Variants in SLC2A3 observed in about 807,000 individuals in gnomAD.
The protein encoded by SLC2A3 is solute carrier family 2, facilitated glucose transporter member 3.
Under a neutral mutation model 46.4 loss-of-function variants are expected in SLC2A3, and 21 were observed. The observed-to-expected ratio is 0.45, with a 90% CI of 0.32 to 0.65. The LOEUF (loss-of-function observed/expected upper bound fraction) is 0.65. Ranked by LOEUF, SLC2A3 falls within the 30% of genes least tolerant of loss-of-function variation. The pLI, the probability that SLC2A3 is intolerant of heterozygous loss-of-function variation, is 0.04. For missense variants in SLC2A3, 499 were observed against 623.3 expected (o/e 0.80, Z 2.12); for synonymous variants, 213 against 239.4 (o/e 0.89, Z 1.02).
rs1205780595 is a variant in SLC2A3 at position 7,920,476 on chromosome 12, CAT to C, written c.*935_*936del. 6.6e-6 allele frequency: 1 copy of C among 152,084 alleles called. No homozygotes were observed. The highest frequency in any genetic ancestry group is 2.4e-5 in the African/African-American group (1 of 41,406). The allele number at this position is 152,084 out of a possible 1,614,324, so 9.4% of individuals were successfully genotyped here. A position where few individuals can be genotyped will look rare whatever the true frequency, so the allele number is the denominator to read the frequency against. On this transcript the variant is annotated 3_prime_UTR_variant, in exon 10 of 10. Coordinates refer to ENST00000075120, the MANE Select transcript of SLC2A3 (RefSeq NM_006931.3). ...ATCAACCATCATTAACTACAATGCCCATATTAGTTAATAATCCTAGATTTCAA... is the reference window on the plus strand; with the variant it reads ...ATCAACCATCATTAACTACAATGCCCATTAGTTAATAATCCTAGATTTCAA...
At position 7,920,862 on chromosome 12, in the gene SLC2A3, ACCTGCACATTCGGCACATGTAT is replaced by A. The variant is rs1946029421; in HGVS notation, c.*529_*550del. On this transcript the variant is annotated 3_prime_UTR_variant, in exon 10 of 10. Coordinates refer to ENST00000075120, the MANE Select transcript of SLC2A3 (RefSeq NM_006931.3). ...TGGCATATATATACCTATGTAACAA[ACCTGCACATTCGGCACATGTAT>A]CCTGAAACTTAAAGTTAAAAAAAAA... is the stretch of plus-strand genomic sequence containing the variant. 1.2e-5 allele frequency: 2 copies of A among 164,300 alleles called. No individual in the cohort carries two copies. The highest frequency in any genetic ancestry group is 4.8e-5 in the African/African-American group (2 of 41,562). 10.2% of individuals were successfully genotyped at this position (164,300 alleles called of 1,614,324 possible).
Position 7,933,908 on chromosome 12 carries a change from G to A in SLC2A3, c.16-6C>T. The A allele has an allele frequency of 6.8e-6, 11 of 1,612,874 alleles. No individual in the cohort carries two copies. Among genetic ancestry groups the A allele is most frequent in the Non-Finnish European group, 9.3e-6 (11 of 1,179,018 alleles). On this transcript the variant is annotated splice_region_variant and splice_polypyrimidine_tract_variant and intron_variant, in intron 1 of 9. Transcript: ENST00000075120. ...AATATCAGAGCTGGGGTGACCTGGA[G>A]GGAGGGAAGACAGAGGAGAGAATAG...
At chr12:7,934,781 C>A (rs941016672) in intron 1 of SLC2A3, among the ~76,000 whole-genome samples, 3 of 151,990 alleles carry the variant, frequency 2.0e-5, no homozygotes, top group Admixed American at 6.6e-5. Context: ...CTGGGAGCTT[C>A]AGCAGGAGAA....
In SLC2A3 at chr12:7,921,627, T is replaced by C. The variant is rs1420930840; in HGVS notation, c.1277A>G (p.Tyr426Cys). The C allele has an allele frequency of 5.0e-6, 8 of 1,613,308 alleles. No homozygotes were observed. Among genetic ancestry groups the C allele is most frequent in the Non-Finnish European group, 6.8e-6 (8 of 1,179,636 alleles). ...VGLLFPSAAHYLGAYVFIIFT... is the reference protein window; with the variant it reads ...VGLLFPSAAHCLGAYVFIIFT... ...GATAATAAAAACGTAGGCTCCTAAA[T>C]AGTGCTAGAGAAAGGACAGAAAAAA... The change falls in exon 10 of 10, where the codon TAT (tyrosine) becomes TGT (cysteine). Residue 426 changes from tyrosine (Y) to cysteine (C), a missense_variant. Coordinates refer to ENST00000075120, the MANE Select transcript of SLC2A3 (RefSeq NM_006931.3).
intron 6 of SLC2A3, among the ~76,000 whole-genome samples, chr12:7,927,103 C>T (rs995843173): frequency 7.9e-5 from 12 of 152,066 alleles, no homozygotes; most frequent in Admixed American, 2.6e-4. Context: ...TCTCACGAAA[C>T]AACTCTTTAA....
At position 7,923,041 on chromosome 12, in the gene SLC2A3, C is replaced by A. The variant is rs746238364; in HGVS notation, c.1069-17G>T. 5 of 1,601,456 alleles carry A rather than the reference C, an allele frequency of 3.1e-6. No homozygotes were observed. Among genetic ancestry groups the A allele is most frequent in the Middle Eastern group, 1.7e-4 (1 of 5,994 alleles). On this transcript the variant is annotated splice_polypyrimidine_tract_variant and intron_variant, in intron 8 of 9. Transcript: ENST00000075120. ...ATAGTTATCCTGTAAGAGCAAGGAA[C>A]AGAGAAAATTAAATTTAAAGACAGT...
chr12:7,922,634 G>T (rs1215980527), intron 9 of SLC2A3, among the ~76,000 whole-genome samples, 187 bp downstream of exon 9: 1 of 151,888 alleles, frequency 6.6e-6, no homozygotes, highest in Non-Finnish European at 1.5e-5. Context: ...GCTAATTTTT[G>T]AATTTCACCA....
chr12:7,931,379 C>T lies in SLC2A3; in HGVS notation c.376G>A (p.Val126Ile), dbSNP rs372614678. 3 of 1,614,046 alleles carry T rather than the reference C, an allele frequency of 1.9e-6. No homozygotes were observed. The African/African-American group carries it at 4.0e-5, about 22-fold the overall frequency. Residue 126 changes from valine to isoleucine, a missense_variant, in exon 4 of 10, where the codon GTT (valine) becomes ATT (isoleucine). Around this residue, in one of 5 missense-constraint regions of SLC2A3, gnomAD observed 248 missense variants for 284.0 expected, o/e 0.87. Coordinates refer to ENST00000075120, the MANE Select transcript of SLC2A3 (RefSeq NM_006931.3). Reference sequence around the variant, plus strand: ...CAGAGTCCGCAGAAGAGGCCAATAACCAAGCGACCCAGGATCAGCATTTCA... The same window carrying T: ...CAGAGTCCGCAGAAGAGGCCAATAATCAAGCGACCCAGGATCAGCATTTCA... ...SVEMLILGRLVIGLFCGLCTG... is the reference protein window; with the variant it reads ...SVEMLILGRLIIGLFCGLCTG...
intron 8 of SLC2A3, among the ~76,000 whole-genome samples, chr12:7,923,768 A>ATTTTTTTTTT (rs59914158): frequency 2.2e-5 from 3 of 135,666 alleles, no homozygotes; most frequent in African/African-American, 8.2e-5. Flanking sequence ...CCAGGATTGG[A>ATTTTTTTTTT]TTTTTTTTTT....
chr12:7,933,487 C>G, intron 2 of SLC2A3: 2 of 458,154 alleles, frequency 4.4e-6, no homozygotes, highest in Non-Finnish European at 7.8e-6. Flanking sequence ...CCCAGCGTTC[C>G]GGGAGTAAGT....
At chr12:7,923,601 G>T (rs1946062075) in intron 8 of SLC2A3, among the ~76,000 whole-genome samples, 1 of 151,670 alleles carries the variant, frequency 6.6e-6, no homozygotes. Context: ...GTGACAGAGT[G>T]AAACCCTGTC....
At position 7,929,671 on chromosome 12, in the gene SLC2A3, G is replaced by A. The variant is rs1248308064; in HGVS notation, c.861+13C>T. On this transcript the variant is annotated intron_variant, in intron 6 of 9. Coordinates refer to ENST00000075120, the MANE Select transcript of SLC2A3 (RefSeq NM_006931.3). ...ACTTTAAGACACGTTTGACCCTAAA[G>A]TATCACACTCACAGCATTGATCCCA... The A allele has an allele frequency of 5.0e-6, 8 of 1,613,098 alleles. No individual in the cohort carries two copies. Among genetic ancestry groups the A allele is most frequent in the South Asian group, 1.1e-5 (1 of 91,032 alleles).
intron 6 of SLC2A3, chr12:7,929,430 A>G (rs1452894933): frequency 5.9e-6 from 3 of 511,230 alleles, no homozygotes; most frequent in Non-Finnish European, 1.0e-5. Flanking sequence ...TTCACTCTGA[A>G]GTTGCCAGTG....
chr12:7,922,498 A>G (rs1033170396), intron 9 of SLC2A3, among the ~76,000 whole-genome samples: 1 of 152,102 alleles, frequency 6.6e-6, no homozygotes, highest in Non-Finnish European at 1.5e-5. Flanking sequence ...TCTTGCTTCC[A>G]TCGAGCAGGC....
intron 1 of SLC2A3, 74 bp downstream of exon 1, chr12:7,935,946 G>A: frequency 8.2e-7 from 1 of 1,225,566 alleles, no homozygotes; most frequent in Admixed American, 1.7e-5. Flanking sequence ...AGAACAAGGA[G>A]ATTACCATTA....
intron 6 of SLC2A3, among the ~76,000 whole-genome samples, chr12:7,929,042 A>C (rs1946124690): frequency 6.6e-6 from 1 of 152,038 alleles, no homozygotes; most frequent in Non-Finnish European, 1.5e-5. Flanking sequence ...TGTGCTAGGT[A>C]GGAGAAAAGT....
chr12:7,933,617 C>T (rs920675120), intron 2 of SLC2A3, 193 bp downstream of exon 2: 1 of 573,056 alleles, frequency 1.7e-6, no homozygotes, highest in Non-Finnish European at 3.0e-6. Flanking sequence ...TGGGGAGGGA[C>T]CCTCACTAAC....
At chr12:7,927,360 C>A (rs1475767143) in intron 6 of SLC2A3, among the ~76,000 whole-genome samples, 1 of 152,024 alleles carries the variant, frequency 6.6e-6, no homozygotes, top group Non-Finnish European at 1.5e-5. Context: ...CAATTCTTTT[C>A]CTTAACATAA....
chr12:7,935,761 G>A (rs768344886), intron 1 of SLC2A3, among the ~76,000 whole-genome samples: 1 of 152,210 alleles, frequency 6.6e-6, no homozygotes, highest in African/African-American at 2.4e-5. Context: ...GTCCTCAGTG[G>A]CATATGGTTA....
Sources: gnomAD v4.1 joint callset for allele counts (sites outside exome capture counted in the v4.1 genomes callset) on GRCh38, gnomAD v4.1.1 for gene constraint, gnomAD v4.1.1 regional missense constraint, MANE v1.5 for transcripts, NCBI Gene and HGNC (gene_info 2026-07-23, HGNC 2026-07-21) for gene names.